KCNJ6: variants seen among roughly 807,000 people sequenced by gnomAD.
KCNJ6 encodes potassium inwardly rectifying channel subfamily J member 6.
Under a neutral mutation model 34.2 loss-of-function variants are expected in KCNJ6, and 9 were observed. The observed-to-expected ratio is 0.26, with a 90% CI of 0.16 to 0.46. The LOEUF (loss-of-function observed/expected upper bound fraction) is 0.46, where lower values mean the gene tolerates loss of function less well. Among genes scored for constraint, KCNJ6 ranks in the 20% least tolerant of loss-of-function variants. The probability of loss-of-function intolerance (pLI) is 1.00; values close to 1 mark genes in which losing one functional copy is unlikely to be tolerated. For missense variants in KCNJ6, 236 were observed against 531.3 expected, an observed-to-expected ratio of 0.44 and a Z score of 5.46; for synonymous variants, 196 against 207.1, an observed-to-expected ratio of 0.95 and a Z score of 0.46.
chr21:37,855,752 C>T (rs2055561864), intron 1 of KCNJ6, among the ~76,000 whole-genome samples: 1 of 152,200 alleles, frequency 6.6e-6, no homozygotes, highest in Non-Finnish European at 1.5e-5. Context: ...CTCAGTTCTG[C>T]TCAACCGTGA....
chr21:37,636,894 T>C (rs2835847), intron 3 of KCNJ6, among the ~76,000 whole-genome samples: 62,454 of 152,086 alleles, frequency 0.41, 13,018 homozygotes, highest in Admixed American at 0.5. Context: ...CTGGAGGATA[T>C]GATTCCAATA....
intron 3 of KCNJ6, among the ~76,000 whole-genome samples, chr21:37,636,568 C>A (rs2054359012): frequency 6.6e-6 from 1 of 152,254 alleles, no homozygotes; most frequent in Admixed American, 6.5e-5. Flanking sequence ...CCCAATAAGA[C>A]CATGTGAGAA....
intron 3 of KCNJ6, among the ~76,000 whole-genome samples, chr21:37,678,649 T>A (rs1601415837): frequency 6.6e-6 from 1 of 152,126 alleles, no homozygotes; most frequent in African/African-American, 2.4e-5. Flanking sequence ...GATGGATGGA[T>A]GACTGGATGG....
intron 3 of KCNJ6, among the ~76,000 whole-genome samples, chr21:37,632,379 T>A (rs763678770): frequency 1.5e-4 from 23 of 151,828 alleles, no homozygotes; most frequent in Non-Finnish European, 2.6e-4. Flanking sequence ...ATATAGAAAG[T>A]AAGAAAAATT....
intron 1 of KCNJ6, among the ~76,000 whole-genome samples, chr21:37,889,319 T>C (rs1211401395): frequency 6.6e-6 from 1 of 152,212 alleles, no homozygotes; most frequent in African/African-American, 2.4e-5. Flanking sequence ...GAAGAGCCTA[T>C]CATTTTATGA....
chr21:37,704,234 C>G (rs930121626), intron 3 of KCNJ6, among the ~76,000 whole-genome samples: 1 of 152,068 alleles, frequency 6.6e-6, no homozygotes, highest in Non-Finnish European at 1.5e-5. Flanking sequence ...GAATCCTTAA[C>G]ATCATCTAGG....
rs575073831 is a variant in KCNJ6 at position 37,834,874 on chromosome 21, G to A, written c.25+5784C>T. 4.5e-4 allele frequency among the ~76,000 whole-genome samples: 68 copies of A among 152,258 alleles called. 1 individual carries two copies. Among genetic ancestry groups the A allele is most frequent in the Admixed American group, 3.3e-4 (5 of 15,300 alleles). On this transcript the variant is annotated intron_variant, in intron 2 of 3. Transcript: ENST00000609713. ...ATAGTCTTTTTGCCTGTTTCTGGCT[G>A]GATGAAGATTCAGCCCCTGGAGCTA... is the stretch of plus-strand genomic sequence containing the variant.
rs905420235 is a variant in KCNJ6 at position 37,608,618 on chromosome 21, G to A, written c.*16541C>T. The A allele has an allele frequency of 5.1e-4, 78 of 152,174 alleles. 1 individual carries two copies. The highest frequency in any genetic ancestry group is 5.1e-3 in the Admixed American group (78 of 15,276). The allele number at this position is 152,174 out of a possible 1,614,324, so 9.4% of individuals were successfully genotyped here. ...GTTGTGCCTGTCCCTCTTCGTTTAG[G>A]TATTTCTAAAACTAGACTCAGTTAC... On this transcript the variant is annotated 3_prime_UTR_variant, in exon 4 of 4. Transcript: ENST00000609713.
At chr21:37,847,264 T>A (rs966007666) in intron 1 of KCNJ6, among the ~76,000 whole-genome samples, 1 of 152,222 alleles carries the variant, frequency 6.6e-6, no homozygotes, top group Non-Finnish European at 1.5e-5. Context: ...AAGGACCCTG[T>A]GAAATGGTAC....
intron 3 of KCNJ6, among the ~76,000 whole-genome samples, chr21:37,656,943 C>T (rs2054466971): frequency 6.6e-6 from 1 of 152,194 alleles, no homozygotes. Context: ...CCTTCCCACC[C>T]AAAGAAAAGT....
chr21:37,905,068 T>C (rs999012190), intron 1 of KCNJ6, among the ~76,000 whole-genome samples: 3 of 152,228 alleles, frequency 2.0e-5, no homozygotes, highest in East Asian at 1.9e-4. Context: ...CTCTGGCCCA[T>C]GCAGTGTGGT....
At chr21:37,860,083 C>T (rs755676628) in intron 1 of KCNJ6, among the ~76,000 whole-genome samples, 1 of 152,146 alleles carries the variant, frequency 6.6e-6, no homozygotes, top group Non-Finnish European at 1.5e-5. Context: ...GGACAGGTCA[C>T]CCGGTGCAAT....
intron 3 of KCNJ6, among the ~76,000 whole-genome samples, chr21:37,694,226 T>C (rs539474791): frequency 4.6e-5 from 7 of 152,304 alleles, no homozygotes; most frequent in African/African-American, 1.7e-4. Flanking sequence ...GAGGTGACGA[T>C]TGGACCCATG....
rs571212437 is a variant in KCNJ6, at chr21:37,795,668, C to T, written c.25+44990G>A. On this transcript the variant is annotated intron_variant, in intron 2 of 3. Coordinates refer to ENST00000609713, the MANE Select transcript of KCNJ6 (RefSeq NM_002240.5). Reference sequence around the variant, plus strand: ...GCTGAGGCAGGAGAATGGCGAGAACCGGTTGCAGTGAGCTGAGATCATGCC... The same window carrying T: ...GCTGAGGCAGGAGAATGGCGAGAACTGGTTGCAGTGAGCTGAGATCATGCC... Among the ~76,000 whole-genome samples, 28 of 149,474 alleles carry T rather than the reference C, an allele frequency of 1.9e-4. No homozygotes were observed. The South Asian group carries it at 4.1e-3, about 22-fold the overall frequency.
At chr21:37,644,912 C>T (rs1213340135) in intron 3 of KCNJ6, among the ~76,000 whole-genome samples, 8 of 151,636 alleles carry the variant, frequency 5.3e-5, no homozygotes, top group Admixed American at 2.6e-4. Context: ...TCCTCACCTC[C>T]GCATCCTTTC....
chr21:37,893,919 C>G (rs1171941892), intron 1 of KCNJ6, among the ~76,000 whole-genome samples: 1 of 152,112 alleles, frequency 6.6e-6, no homozygotes, highest in Admixed American at 6.5e-5. Context: ...ACAAACGAAC[C>G]CTGCTCAATT....
intron 2 of KCNJ6, among the ~76,000 whole-genome samples, chr21:37,725,936 A>G (rs572296604): frequency 1.3e-5 from 2 of 152,124 alleles, no homozygotes; most frequent in African/African-American, 4.8e-5. Context: ...ATGGAGTTTC[A>G]CTCTTGTCAC....
At chr21:37,819,750 G>A (rs887748022) in intron 2 of KCNJ6, among the ~76,000 whole-genome samples, 1 of 151,664 alleles carries the variant, frequency 6.6e-6, no homozygotes, top group East Asian at 1.9e-4. Context: ...CTTCTGTCAT[G>A]CAAAGACTTC....
At chr21:37,846,071 G>A (rs558252804) in intron 1 of KCNJ6, among the ~76,000 whole-genome samples, 3 of 152,134 alleles carry the variant, frequency 2.0e-5, no homozygotes, top group Admixed American at 6.5e-5. Flanking sequence ...TAAACTCCTC[G>A]GGTAGAGCAT....
Sources: allele counts gnomAD v4.1 joint callset (sites outside exome capture counted in the v4.1 genomes callset), GRCh38; gene constraint gnomAD v4.1.1; transcripts MANE v1.5; gene names NCBI Gene and HGNC (gene_info 2026-07-23, HGNC 2026-07-21).